OSBPL9: variants seen among roughly 807,000 people sequenced by gnomAD.
OSBPL9 encodes oxysterol binding protein like 9, also known as oxysterol-binding protein-related protein 9.
Under a neutral mutation model 106.6 loss-of-function variants are expected in OSBPL9, and 40 were observed. The ratio of observed to expected loss-of-function variants is 0.38; its 90% CI spans 0.29 to 0.49. OSBPL9 has a LOEUF of 0.49. OSBPL9 is among the 20% of genes least tolerant of loss of function. The probability of loss-of-function intolerance (pLI) is 0.97; values close to 1 mark genes in which losing one functional copy is unlikely to be tolerated. For synonymous variants in OSBPL9, 269 were observed against 295.4 expected (o/e 0.91, Z 0.92); for missense variants, 609 against 887.2 (o/e 0.69, Z 3.98).
chr1:51,631,595 G>T (rs979992340), intron 1 of OSBPL9, among the ~76,000 whole-genome samples: 1 of 152,106 alleles, frequency 6.6e-6, no homozygotes, highest in Non-Finnish European at 1.5e-5. Context: ...GTTATCTGCA[G>T]AAGTAATTGT....
At chr1:51,769,773 A>G (rs1462103174) in intron 12 of OSBPL9, among the ~76,000 whole-genome samples, 1 of 152,164 alleles carries the variant, frequency 6.6e-6, no homozygotes, top group East Asian at 1.9e-4. Flanking sequence ...TTACAGTCTT[A>G]CTGAGTATTT....
intron 1 of OSBPL9, among the ~76,000 whole-genome samples, chr1:51,639,816 GTT>G (rs758174157): frequency 2.0e-3 from 131 of 67,032 alleles, no homozygotes; most frequent in South Asian, 2.5e-3. Context: ...ATTCCTAGTT[GTT>G]TTTTTTTTTT....
chr1:51,553,078 G>T, the OSBPL9 span, among the ~76,000 whole-genome samples: 1 of 151,954 alleles, frequency 6.6e-6, no homozygotes, highest in African/African-American at 2.4e-5. Flanking sequence ...CTTTTGAATG[G>T]ACCTTCCTTC....
chr1:51,525,994 A>T, the OSBPL9 span, among the ~76,000 whole-genome samples: 1 of 152,080 alleles, frequency 6.6e-6, no homozygotes, highest in Non-Finnish European at 1.5e-5. Flanking sequence ...CTCCTACCTC[A>T]GCCTCCAGAG....
chr1:51,748,224 CA>C (rs1437891480), intron 6 of OSBPL9, 144 bp from the exon 7 acceptor site: 2 of 878,954 alleles, frequency 2.3e-6, no homozygotes, highest in Non-Finnish European at 3.2e-6. Context: ...CAAAATACAA[CA>C]AAAAGTACTC....
the OSBPL9 span, among the ~76,000 whole-genome samples, chr1:51,526,119 C>T: frequency 7.9e-5 from 12 of 152,300 alleles, no homozygotes; most frequent in Admixed American, 7.9e-4. Context: ...TTAAGCAATC[C>T]ACCTGCCTTG....
At chr1:51,667,734 G>A (rs1648856569) in intron 2 of OSBPL9, among the ~76,000 whole-genome samples, 1 of 152,174 alleles carries the variant, frequency 6.6e-6, no homozygotes, top group South Asian at 2.1e-4. Context: ...ACCAGAATGA[G>A]CTGTTTCTGC....
chr1:51,592,200 C>T (rs182979862), intron 1 of OSBPL9, among the ~76,000 whole-genome samples: 10 of 150,740 alleles, frequency 6.6e-5, no homozygotes, highest in South Asian at 6.3e-4. Flanking sequence ...CTGCAAGCTC[C>T]GCCTCACAGG....
At chr1:51,627,013 T>A (rs571076705) in intron 1 of OSBPL9, among the ~76,000 whole-genome samples, 8 of 152,322 alleles carry the variant, frequency 5.3e-5, no homozygotes, top group Non-Finnish European at 8.8e-5. Context: ...TTTTTTTGTT[T>A]GTTTATTTTG....
chr1:51,773,941 CGTTGTT>C (rs3835387), intron 14 of OSBPL9, among the ~76,000 whole-genome samples: 17,708 of 148,710 alleles, frequency 0.12, 1,164 homozygotes, highest in Middle Eastern at 0.21. Context: ...CAGCTGCTGG[CGTTGTT>C]GTTGTTGTTG....
At chr1:51,776,293 A>G (rs1675060991) in intron 14 of OSBPL9, among the ~76,000 whole-genome samples, 1 of 152,180 alleles carries the variant, frequency 6.6e-6, no homozygotes, top group South Asian at 2.1e-4. Context: ...ACACTTGTCT[A>G]ATGATGATAG....
At chr1:51,518,430 C>G in the OSBPL9 span, 1 of 152,532 alleles carries the variant, frequency 6.6e-6, no homozygotes, top group Non-Finnish European at 1.5e-5. Context: ...AGGGATCCAC[C>G]TGGACAGCGA....
At chr1:51,746,861 G>A in intron 6 of OSBPL9, 104 bp downstream of exon 6, 1 of 897,214 alleles carries the variant, frequency 1.1e-6, no homozygotes, top group African/African-American at 1.7e-5. Flanking sequence ...TAATATTATT[G>A]ACCTAGTGTA....
chr1:51,668,986 C>T (rs1432617165), intron 2 of OSBPL9, among the ~76,000 whole-genome samples: 1 of 152,144 alleles, frequency 6.6e-6, no homozygotes, highest in Non-Finnish European at 1.5e-5. Flanking sequence ...CAAATGTCAC[C>T]TGGCATTTCT....
At chr1:51,716,601 G>A (rs1433721800) in intron 4 of OSBPL9, among the ~76,000 whole-genome samples, 1 of 152,166 alleles carries the variant, frequency 6.6e-6, no homozygotes, top group Non-Finnish European at 1.5e-5. Flanking sequence ...CCAGTGCCTG[G>A]TATTCAGTAG....
At chr1:51,702,725 A>G (rs1458243153) in intron 3 of OSBPL9, among the ~76,000 whole-genome samples, 4 of 152,160 alleles carry the variant, frequency 2.6e-5, no homozygotes, top group East Asian at 3.8e-4. Flanking sequence ...TGCCATGCCT[A>G]TGTCCTGAAT....
intron 15 of OSBPL9, among the ~76,000 whole-genome samples, chr1:51,779,697 AAAAAAC>A (rs911858668): frequency 1.1e-4 from 17 of 152,322 alleles, no homozygotes; most frequent in South Asian, 4.1e-4. Flanking sequence ...CAGGAAGAAA[AAAAAAC>A]AAAAACAAAA....
At chr1:51,669,709 C>T (rs577797212) in intron 3 of OSBPL9, 197 bp downstream of exon 3, 54 of 668,738 alleles carry the variant, frequency 8.1e-5, no homozygotes, top group South Asian at 5.7e-4. Flanking sequence ...CGATTTGAAA[C>T]GACTGTGGAT....
intron 3 of OSBPL9, among the ~76,000 whole-genome samples, chr1:51,677,213 C>T (rs559429518): frequency 2.0e-5 from 3 of 152,310 alleles, no homozygotes; most frequent in East Asian, 1.9e-4. Flanking sequence ...GGAATGGGCC[C>T]GCTCTAGTGA....
Sources: allele counts gnomAD v4.1 joint callset (sites outside exome capture counted in the v4.1 genomes callset), GRCh38; gene constraint gnomAD v4.1.1; transcripts MANE v1.5; gene names NCBI Gene and HGNC (gene_info 2026-07-23, HGNC 2026-07-21).